CANT1: variants seen among roughly 807,000 people sequenced by gnomAD.
The protein encoded by CANT1 is calcium activated nucleotidase 1.
CANT1 carries 26 observed loss-of-function variants against 30.0 expected under a neutral mutation model. The ratio of observed to expected loss-of-function variants is 0.87; its 90% confidence interval spans 0.64 to 1.20. CANT1 has a LOEUF of 1.20. CANT1 is among the 50% of genes most tolerant of loss of function. CANT1 has a pLI of 0.00. For synonymous variants in CANT1, 246 were observed against 251.8 expected (o/e 0.98, Z 0.22); for missense variants, 518 against 563.0 (o/e 0.92, Z 0.81).
intron 1 of CANT1, 35 bp downstream of exon 1, chr17:79,009,629 G>A (rs2071679164): frequency 1.3e-5 from 2 of 152,448 alleles, no homozygotes; most frequent in South Asian, 3.6e-4. Context: ...CGTGGCTGGG[G>A]CAGGGCGCCG....
In CANT1 at chr17:78,992,442, G is replaced by A; in HGVS notation, c.*1108C>T. ...TCAAATCCCACTCTGCCTTCACCCT[G>A]GAGTACACTCCAGCGAAGCCGAGGC... is the stretch of plus-strand genomic sequence containing the variant. On this transcript the variant is annotated 3_prime_UTR_variant, in exon 5 of 5. Transcript: ENST00000392446. The A allele has an allele frequency of 2.8e-6, 1 of 355,684 alleles. No individual in the cohort carries two copies. The highest frequency in any genetic ancestry group is 5.4e-6 in the Non-Finnish European group (1 of 184,154). 22.0% of individuals were successfully genotyped at this position (355,684 alleles called of 1,614,324 possible). A position where few individuals can be genotyped will look rare whatever the true frequency, so the allele number is the denominator to read the frequency against.
At chr17:79,006,618 A>G (rs2071561053) in intron 1 of CANT1, among the ~76,000 whole-genome samples, 1 of 152,216 alleles carries the variant, frequency 6.6e-6, no homozygotes, top group African/African-American at 2.4e-5. Context: ...ACTGCCTTGT[A>G]AAGAGGCTGT....
At chr17:78,994,190 C>T (rs1317004015) in intron 4 of CANT1, among the ~76,000 whole-genome samples, 15 of 152,046 alleles carry the variant, frequency 9.9e-5, no homozygotes, top group Admixed American at 7.9e-4. Context: ...TTGGGCTCAT[C>T]GGAGCCTCCT....
chr17:78,993,566 C>T lies in CANT1; in HGVS notation c.1190G>A (p.Gly397Asp). 1.2e-6 allele frequency: 2 copies of T among 1,614,246 alleles called. No homozygotes were observed. Among genetic ancestry groups the T allele is most frequent in the Non-Finnish European group, 8.5e-7 (1 of 1,180,048 alleles). The part of the protein sequence containing the change: ...ETKIGSVKYE[G>D]IEFI ...CGTTTTGAGTTAAATGAACTCGATG[C>T]CTTCGTATTTCACGCTTCCGATCTT... Residue 397 changes from glycine to aspartate, a missense_variant, in exon 5 of 5, where the codon GGC becomes GAC. Coordinates refer to ENST00000392446, the MANE Select transcript of CANT1 (RefSeq NM_001159773.2). The surrounding 1 kb of genome is among the most constrained non-coding windows in gnomAD (Gnocchi z 4.5).
Position 78,995,391 on chromosome 17 carries a change from T to C in CANT1, c.632-170A>G. 1.5e-6 allele frequency: 1 copy of C among 678,844 alleles called. No individual in the cohort carries two copies. Among genetic ancestry groups the C allele is most frequent in the Non-Finnish European group, 2.6e-6 (1 of 390,328 alleles). The allele number at this position is 678,844 out of a possible 1,614,324, so 42.1% of individuals were successfully genotyped here. On this transcript the variant is annotated intron_variant, in intron 3 of 4. Transcript: ENST00000392446. This position sits in a 1 kb window ranked among gnomAD's most constrained non-coding sequence, Gnocchi z 5.7. Reference sequence around the variant, plus strand: ...TGGCTCCCGCCCAGGGCCGGCCGGCTGCCCTCCCCTCAGCTCCTGAAGGTT... The same window carrying C: ...TGGCTCCCGCCCAGGGCCGGCCGGCCGCCCTCCCCTCAGCTCCTGAAGGTT...
In CANT1 at chr17:78,995,833, T is replaced by G. The variant is rs2071017440; in HGVS notation, c.632-612A>C. On this transcript the variant is annotated intron_variant, in intron 3 of 4. Transcript: ENST00000392446. The surrounding 1 kb of genome is among the most constrained non-coding windows in gnomAD (Gnocchi z 5.7). ...TTTGCTTTCCCCAAATTTTGCCAGC[T>G]TCTTGCCCCTGAGAGCTGGAGCTGT... Among the ~76,000 whole-genome samples the G allele has an allele frequency of 6.6e-6, 1 of 152,164 alleles. No homozygotes were observed. Among genetic ancestry groups the G allele is most frequent in the South Asian group, 2.1e-4 (1 of 4,832 alleles).
chr17:78,997,313 G>A lies in CANT1; in HGVS notation c.310C>T (p.Arg104Trp), dbSNP rs200503476. 8.7e-6 allele frequency: 14 copies of A among 1,614,132 alleles called. No homozygotes were observed. The highest frequency in any genetic ancestry group is 2.2e-5 in the East Asian group (1 of 44,868). The change falls in exon 3 of 5, where the codon CGG (arginine) becomes TGG (tryptophan). Residue 104 changes from arginine (R) to tryptophan (W), a missense_variant. Physicochemically the swap from Arg to Trp is moderately radical, Grantham distance 101 (BLOSUM62 -3). Coordinates refer to ENST00000392446, the MANE Select transcript of CANT1 (RefSeq NM_001159773.2). This position sits in a 1 kb window ranked among gnomAD's most constrained non-coding sequence, Gnocchi z 7.5. The stretch of plus-strand genomic sequence containing the variant: ...TCTGCGATAACTGCGATTCGATACC[G>A]AATCCCAGCCGGTGTCCTTTGTGGG... ...SPPQRTPAGIRYRIAVIADLD... is the reference protein window; with the variant it reads ...SPPQRTPAGIWYRIAVIADLD...
intron 1 of CANT1, among the ~76,000 whole-genome samples, chr17:79,003,111 C>T (rs1393485251): frequency 2.0e-5 from 3 of 151,912 alleles, no homozygotes; most frequent in African/African-American, 2.4e-5. Context: ...AGTGTTACCT[C>T]GAGGTCACGC....
intron 1 of CANT1, among the ~76,000 whole-genome samples, chr17:78,999,172 TG>T (rs1447377344): frequency 3.9e-5 from 6 of 152,178 alleles, no homozygotes; most frequent in African/African-American, 1.4e-4. Context: ...GGCACATACG[TG>T]GAACCTGCTG....
Position 78,997,521 on chromosome 17 carries a change from G to A in CANT1, c.102C>T (p.Ala34=), listed in dbSNP as rs766133767. The A allele has an allele frequency of 9.6e-6, 15 of 1,569,080 alleles. No individual in the cohort carries two copies. Among genetic ancestry groups the A allele is most frequent in the South Asian group, 7.2e-5 (6 of 83,702 alleles). Residue 34 remains alanine, a synonymous_variant, in exon 3 of 5, where the codon GCC becomes GCT. Transcript: ENST00000392446. This position sits in a 1 kb window ranked among gnomAD's most constrained non-coding sequence, Gnocchi z 7.5. The part of the protein sequence containing the change: ...GLPVLASMTK[A]ADPRFRPRWK... ...AGCGGGGGCGGAAGCGGGGGTCCGCGGCCTTGGTCATGGACGCCAGCACAG... is the reference window on the plus strand; with the variant it reads ...AGCGGGGGCGGAAGCGGGGGTCCGCAGCCTTGGTCATGGACGCCAGCACAG...
chr17:78,997,132 C>A lies in CANT1; in HGVS notation c.491G>T (p.Gly164Val). The stretch of plus-strand genomic sequence containing the variant: ...AACAATCAGGTCGGATAGCTCCATG[C>A]CTCTCCCCTTCTCCGCCAGGTGGGA... ...LESHLAEKGRGMELSDLIVFN... is the reference protein window; with the variant it reads ...LESHLAEKGRVMELSDLIVFN... The change falls in exon 3 of 5, where the codon GGC becomes GTC. Residue 164 changes from glycine (G) to valine (V), a missense_variant. Gly to Val is a moderately radical substitution (Grantham distance 109). This residue lies in a region of CANT1 where 249 missense variants were observed against 268.8 expected (regional missense o/e 0.93). Coordinates refer to ENST00000392446, the MANE Select transcript of CANT1 (RefSeq NM_001159773.2). This position sits in a 1 kb window ranked among gnomAD's most constrained non-coding sequence, Gnocchi z 7.5. 1 of 1,614,218 alleles carries A rather than the reference C, an allele frequency of 6.2e-7. No individual in the cohort carries two copies. The highest frequency in any genetic ancestry group is 8.5e-7 in the Non-Finnish European group (1 of 1,180,052).
chr17:78,994,095 A>G (rs1401405029), intron 4 of CANT1, among the ~76,000 whole-genome samples, 175 bp from the exon 5 acceptor site: 2 of 152,028 alleles, frequency 1.3e-5, no homozygotes, highest in African/African-American at 2.4e-5. Context: ...GTTCTCGGTT[A>G]TCCCATGCAG....
chr17:79,001,697 G>C (rs2071268315), intron 1 of CANT1, among the ~76,000 whole-genome samples: 2 of 151,996 alleles, frequency 1.3e-5, no homozygotes, highest in Non-Finnish European at 2.9e-5. Context: ...CACATTGTCA[G>C]TGTCCCTCCT....
At position 78,996,818 on chromosome 17, in the gene CANT1, G is replaced by A. The variant is rs540381992; in HGVS notation, c.631+174C>T. On this transcript the variant is annotated intron_variant, in intron 3 of 4. Coordinates refer to ENST00000392446, the MANE Select transcript of CANT1 (RefSeq NM_001159773.2). The surrounding 1 kb of genome is among the most constrained non-coding windows in gnomAD (Gnocchi z 5.1). ...TCAGTGTGAAGTGACAGTAGGCTAT[G>A]CTCCTGGCTAAGGGTAAGGGGGCCG... 6 of 868,246 alleles carry A rather than the reference G, an allele frequency of 6.9e-6. No individual in the cohort carries two copies. Among genetic ancestry groups the A allele is most frequent in the East Asian group, 4.8e-5 (2 of 41,476 alleles). 53.8% of individuals were successfully genotyped at this position (868,246 alleles called of 1,614,324 possible). A position where few individuals can be genotyped will look rare whatever the true frequency, so the allele number is the denominator to read the frequency against.
rs1251702827 is a variant in CANT1, at chr17:78,996,676, A to G, written c.631+316T>C. Among the ~76,000 whole-genome samples, 1 of 152,180 alleles carries G rather than the reference A, an allele frequency of 6.6e-6. No homozygotes were observed. The highest frequency in any genetic ancestry group is 1.5e-5 in the Non-Finnish European group (1 of 68,016). On this transcript the variant is annotated intron_variant, in intron 3 of 4. Coordinates refer to ENST00000392446, the MANE Select transcript of CANT1 (RefSeq NM_001159773.2). The surrounding 1 kb of genome is among the most constrained non-coding windows in gnomAD (Gnocchi z 5.1). ...TCTTGAGAACCTTTGAAGGTGTAAA[A>G]AGGGCGTGTTCCCAGAGGCTCCGAG...
chr17:79,001,980 C>A (rs757035379), intron 1 of CANT1, among the ~76,000 whole-genome samples: 5 of 152,034 alleles, frequency 3.3e-5, no homozygotes, highest in African/African-American at 1.2e-4. Context: ...CCCAGCCCCA[C>A]GTGTCCCACC....
intron 1 of CANT1, among the ~76,000 whole-genome samples, chr17:78,999,042 C>T (rs2071146189): frequency 6.6e-6 from 1 of 152,194 alleles, no homozygotes; most frequent in Non-Finnish European, 1.5e-5. Flanking sequence ...CAGAGACACC[C>T]CCTTCTCCAC....
At position 78,995,052 on chromosome 17, in the gene CANT1, G is replaced by A. The variant is rs138199925; in HGVS notation, c.801C>T (p.Asn267=). The change falls in exon 4 of 5, where the codon AAC becomes AAT. Residue 267 remains asparagine, a synonymous_variant. Transcript: ENST00000392446. The surrounding 1 kb of genome is among the most constrained non-coding windows in gnomAD (Gnocchi z 5.7). ...GGATGCCGGCAGCAGCCCGCAGGGC[G>A]TTGTAGTTGGACACCCAGTTCTCGT... ...VDHENWVSNY[N]ALRAAAGIQP... is the part of the protein sequence containing the mutation. 6.5e-4 allele frequency: 1,032 copies of A among 1,598,024 alleles called. 3 individuals carry two copies. The African/African-American group carries it at 6.9e-3, about 11-fold the overall frequency.
At chr17:79,001,382 C>T (rs983753167) in intron 1 of CANT1, among the ~76,000 whole-genome samples, 2 of 152,154 alleles carry the variant, frequency 1.3e-5, no homozygotes, top group Admixed American at 6.5e-5. Context: ...CCCCAGCCGC[C>T]GGGCACCTGC....
Sources: allele counts gnomAD v4.1 joint callset (sites outside exome capture counted in the v4.1 genomes callset), GRCh38; gene constraint gnomAD v4.1.1; regional missense constraint gnomAD v4.1.1; non-coding constraint Gnocchi (gnomAD v3.1); transcripts MANE v1.5; gene names NCBI Gene and HGNC (gene_info 2026-07-23, HGNC 2026-07-21).